The following HEPACAM variants were observed in gnomAD, a reference collection of about 807,000 sequenced individuals.
HEPACAM encodes the protein hepatocyte cell adhesion molecule.
HEPACAM carries 18 observed loss-of-function variants against 38.3 expected under a neutral mutation model. The ratio of observed to expected loss-of-function variants is 0.47; its 90% CI spans 0.33 to 0.70. The LOEUF (loss-of-function observed/expected upper bound fraction) is 0.70, where lower values mean the gene tolerates loss of function less well. HEPACAM is among the 30% of genes least tolerant of loss of function. The probability of loss-of-function intolerance (pLI) is 0.03; values close to 1 mark genes in which losing one functional copy is unlikely to be tolerated. For missense variants in HEPACAM, 466 were observed against 563.0 expected, an observed-to-expected ratio of 0.83 and a Z score of 1.74; for synonymous variants, 216 against 243.1, an observed-to-expected ratio of 0.89 and a Z score of 1.04.
At position 124,934,794 on chromosome 11, in the gene HEPACAM, C is replaced by T. The variant is rs571193288; in HGVS notation, c.85+1128G>A. ...ATTTTATTTGCCTCCAGTTTCCCCT[C>T]GAATGACCCCCTGCAGACTGAGTAA... On this transcript the variant is annotated intron_variant, in intron 1 of 6. Coordinates refer to ENST00000298251, the MANE Select transcript of HEPACAM (RefSeq NM_152722.5). Among the ~76,000 whole-genome samples the T allele has an allele frequency of 5.3e-5, 8 of 152,190 alleles. No individual in the cohort carries two copies. In the South Asian group the frequency reaches 1.0e-3, roughly 20 times the overall value.
In HEPACAM at chr11:124,919,340, C is replaced by T. The variant is rs2135392540; in HGVS notation, c.*1798G>A. 4.8e-6 allele frequency: 1 copy of T among 206,918 alleles called. No individual in the cohort carries two copies. Among genetic ancestry groups the T allele is most frequent in the Non-Finnish European group, 9.7e-6 (1 of 103,514 alleles). 12.8% of individuals were successfully genotyped at this position (206,918 alleles called of 1,614,324 possible). ...GATGAAGATGAAAACAACACAAAAA[C>T]AAACCCCACTTCCTTACTTACCCCT... On this transcript the variant is annotated 3_prime_UTR_variant, in exon 7 of 7. Coordinates refer to ENST00000298251, the MANE Select transcript of HEPACAM (RefSeq NM_152722.5).
rs1340459382 is a variant in HEPACAM at position 124,923,726 on chromosome 11, C to G, written c.709+3G>C. On this transcript the variant is annotated splice_donor_region_variant and intron_variant, in intron 3 of 6. Transcript: ENST00000298251. ...CTAAAGGAAAGCCTGCGGGGAAACT[C>G]ACTGTATACGGTGATCTTGACAGGC... 1.2e-6 allele frequency: 2 copies of G among 1,614,132 alleles called. No homozygotes were observed. The highest frequency in any genetic ancestry group is 1.7e-6 in the Non-Finnish European group (2 of 1,180,032).
chr11:124,932,991 T>G (rs940101158), intron 1 of HEPACAM, among the ~76,000 whole-genome samples: 6 of 152,080 alleles, frequency 3.9e-5, no homozygotes, highest in Admixed American at 6.5e-5. Flanking sequence ...GGAACTTAAA[T>G]TTTGGAATTT....
intron 1 of HEPACAM, among the ~76,000 whole-genome samples, chr11:124,929,760 C>A (rs73018375): frequency 0.15 from 23,133 of 152,020 alleles, 2,124 homozygotes; most frequent in South Asian, 0.21. Flanking sequence ...GCTGCGATGC[C>A]GGGAATGTCA....
intron 5 of HEPACAM, 39 bp from the exon 6 acceptor site, chr11:124,922,497 A>G (rs775084930): frequency 6.2e-7 from 1 of 1,608,282 alleles, no homozygotes; most frequent in Non-Finnish European, 8.5e-7. Flanking sequence ...GCCCAGGTAC[A>G]GACTCTCCCC....
At chr11:124,922,286 C>G in intron 6 of HEPACAM, 102 bp downstream of exon 6, 9 of 1,249,444 alleles carry the variant, frequency 7.2e-6, no homozygotes, top group Non-Finnish European at 1.1e-5. Flanking sequence ...CCGTTGGGGA[C>G]TGCTGCTATA....
intron 1 of HEPACAM, among the ~76,000 whole-genome samples, chr11:124,930,338 A>G (rs1466854180): frequency 6.6e-6 from 1 of 151,678 alleles, no homozygotes; most frequent in African/African-American, 2.4e-5. Context: ...GCCGTGTTGT[A>G]TTCTTACATT....
At position 124,924,840 on chromosome 11, in the gene HEPACAM, G is replaced by A; in HGVS notation, c.315C>T (p.Gly105=). 1.2e-6 allele frequency: 2 copies of A among 1,614,186 alleles called. No homozygotes were observed. Among genetic ancestry groups the A allele is most frequent in the Non-Finnish European group, 1.7e-6 (2 of 1,180,024 alleles). ...YRDRIRLFEN[G]SLLLSDLQLA... The stretch of plus-strand genomic sequence containing the variant: ...GCTGCAGGTCGCTGAGAAGCAGGGA[G>A]CCATTTTCAAAGAGTCGGATACGGT... Residue 105 remains glycine (G), a synonymous_variant, in exon 2 of 7, where the codon GGC becomes GGT. Coordinates refer to ENST00000298251, the MANE Select transcript of HEPACAM (RefSeq NM_152722.5). The surrounding 1 kb of genome is among the most constrained non-coding windows in gnomAD (Gnocchi z 4.4).
At position 124,921,176 on chromosome 11, in the gene HEPACAM, C is replaced by T. The variant is rs1012723414; in HGVS notation, c.1213G>A (p.Glu405Lys). 3.3e-6 allele frequency: 5 copies of T among 1,527,792 alleles called. No homozygotes were observed. In the African/African-American group the frequency reaches 5.6e-5, roughly 17 times the overall value. The allele number at this position is 1,527,792 out of a possible 1,614,324, so 94.6% of individuals were successfully genotyped here. The change falls in exon 7 of 7, where the codon GAG becomes AAG. Residue 405 changes from glutamate to lysine, a missense_variant. Coordinates refer to ENST00000298251, the MANE Select transcript of HEPACAM (RefSeq NM_152722.5). This position sits in a 1 kb window ranked among gnomAD's most constrained non-coding sequence, Gnocchi z 4.6. ...TCCACCGGGCCGGCCTCGTCTTGCT[C>T]GCGGATTATGTGCACGCCCGCAGTC... ...LRTAGVHIIR[E>K]QDEAGPVEIS...
chr11:124,932,227 A>C (rs936406916), intron 1 of HEPACAM, among the ~76,000 whole-genome samples: 1 of 152,184 alleles, frequency 6.6e-6, no homozygotes, highest in African/African-American at 2.4e-5. Flanking sequence ...TTTAATAAAC[A>C]ATTTAAAAAA....
Position 124,924,100 on chromosome 11 carries a change from T to C in HEPACAM, c.428-90A>G. ...AGCTCCCTGCCTTCCAACACACCTT[T>C]AACACTACCTTCCAACTCAATCTGT... On this transcript the variant is annotated intron_variant, in intron 2 of 6. Transcript: ENST00000298251. The surrounding 1 kb of genome is among the most constrained non-coding windows in gnomAD (Gnocchi z 4.4). 8.2e-7 allele frequency: 1 copy of C among 1,222,848 alleles called. No individual in the cohort carries two copies. Among genetic ancestry groups the C allele is most frequent in the South Asian group, 1.3e-5 (1 of 77,058 alleles). 75.7% of individuals were successfully genotyped at this position (1,222,848 alleles called of 1,614,324 possible). A position where few individuals can be genotyped will look rare whatever the true frequency, so the allele number is the denominator to read the frequency against.
At chr11:124,930,418 ACAGAAG>A (rs1947268233) in intron 1 of HEPACAM, among the ~76,000 whole-genome samples, 1 of 152,224 alleles carries the variant, frequency 6.6e-6, no homozygotes, top group Admixed American at 6.5e-5. Context: ...AAATCAGGAA[ACAGAAG>A]CTGTGAAGAA....
chr11:124,920,965 C>T lies in HEPACAM; in HGVS notation c.*173G>A. The T allele has an allele frequency of 7.3e-7, 1 of 1,365,906 alleles. No homozygotes were observed. Among genetic ancestry groups the T allele is most frequent in the South Asian group, 1.7e-5 (1 of 58,458 alleles). The allele number at this position is 1,365,906 out of a possible 1,614,324, so 84.6% of individuals were successfully genotyped here. On this transcript the variant is annotated 3_prime_UTR_variant, in exon 7 of 7. Transcript: ENST00000298251. ...TTCACCATATCAACACTGCCGCCTC[C>T]GCGCACCCGCCTCCGTCTGCGCATG...
At chr11:124,922,082 GCTGCATTCGATT>G (rs909180739) in intron 6 of HEPACAM, among the ~76,000 whole-genome samples, 1 of 152,168 alleles carries the variant, frequency 6.6e-6, no homozygotes, top group African/African-American at 2.4e-5. Flanking sequence ...CAGATTCGTG[GCTGCATTCGATT>G]CTCGATTCTC....
Position 124,919,747 on chromosome 11 carries a change from G to T in HEPACAM, c.*1391C>A. The stretch of plus-strand genomic sequence containing the variant: ...GAGACAAAACTTGACCTGGTGTGGA[G>T]GTGATGGGTAACTGGGGCCTTGGAA... On this transcript the variant is annotated 3_prime_UTR_variant, in exon 7 of 7. Coordinates refer to ENST00000298251, the MANE Select transcript of HEPACAM (RefSeq NM_152722.5). 5.0e-6 allele frequency: 8 copies of T among 1,613,482 alleles called. No individual in the cohort carries two copies. Among genetic ancestry groups the T allele is most frequent in the Non-Finnish European group, 6.8e-6 (8 of 1,179,774 alleles).
chr11:124,921,047 C>T lies in HEPACAM; in HGVS notation c.*91G>A, dbSNP rs944500902. On this transcript the variant is annotated 3_prime_UTR_variant, in exon 7 of 7. Coordinates refer to ENST00000298251, the MANE Select transcript of HEPACAM (RefSeq NM_152722.5). The surrounding 1 kb of genome is among the most constrained non-coding windows in gnomAD (Gnocchi z 4.6). ...CCCCCCCGGGACCTCCCCTCGTCCCCAGCGCGCCGCGCCCGGGCTTCCCAG... is the reference window on the plus strand; with the variant it reads ...CCCCCCCGGGACCTCCCCTCGTCCCTAGCGCGCCGCGCCCGGGCTTCCCAG... 1.4e-6 allele frequency: 2 copies of T among 1,448,592 alleles called. No homozygotes were observed. Among genetic ancestry groups the T allele is most frequent in the Non-Finnish European group, 1.8e-6 (2 of 1,103,374 alleles). 89.7% of individuals were successfully genotyped at this position (1,448,592 alleles called of 1,614,324 possible).
Position 124,924,918 on chromosome 11 carries a change from C to G in HEPACAM, c.237G>C (p.Val79=). ...WQLKRDKPVT[V]VQSIGTEVIG... ...TGACCTCTGTGCCAATGGACTGCACCACGGTCACTGGCTTGTCCCGCTTCA... is the reference window on the plus strand; with the variant it reads ...TGACCTCTGTGCCAATGGACTGCACGACGGTCACTGGCTTGTCCCGCTTCA... The change falls in exon 2 of 7, where the codon GTG becomes GTC. Residue 79 remains valine, a synonymous_variant. Transcript: ENST00000298251. The surrounding 1 kb of genome is among the most constrained non-coding windows in gnomAD (Gnocchi z 4.4). The G allele has an allele frequency of 1.2e-6, 2 of 1,614,194 alleles. No individual in the cohort carries two copies. The highest frequency in any genetic ancestry group is 1.7e-6 in the Non-Finnish European group (2 of 1,180,034).
rs1947139639 is a variant in HEPACAM at position 124,921,566 on chromosome 11, A to T, written c.949-126T>A. ...TTCCCTCTGCACGCCCACCTCCTGG[A>T]AGGCTGCAGACAGGTCTGGTTTTCC... On this transcript the variant is annotated intron_variant, in intron 6 of 6. Coordinates refer to ENST00000298251, the MANE Select transcript of HEPACAM (RefSeq NM_152722.5). This position sits in a 1 kb window ranked among gnomAD's most constrained non-coding sequence, Gnocchi z 4.6. 1 of 526,892 alleles carries T rather than the reference A, an allele frequency of 1.9e-6. No homozygotes were observed. The highest frequency in any genetic ancestry group is 2.0e-5 in the African/African-American group (1 of 50,736). 32.6% of individuals were successfully genotyped at this position (526,892 alleles called of 1,614,324 possible).
rs201011094 is a variant in HEPACAM, at chr11:124,923,847, G to A, written c.591C>T (p.Pro197=). The A allele has an allele frequency of 3.0e-4, 480 of 1,613,998 alleles. 3 individuals carry two copies. In the Middle Eastern group the frequency reaches 6.1e-3, roughly 21 times the overall value. Reference sequence around the variant, plus strand: ...GGGTGATGGTGAGCACCTTTTGGTCGGGGGACAGGAGCATTCTCGAGTCAT... The same window carrying A: ...GGGTGATGGTGAGCACCTTTTGGTCAGGGGACAGGAGCATTCTCGAGTCAT... ...LLNDSRMLLS[P]DQKVLTITRV... Residue 197 remains proline, a synonymous_variant, in exon 3 of 7, where the codon CCC becomes CCT. Coordinates refer to ENST00000298251, the MANE Select transcript of HEPACAM (RefSeq NM_152722.5).
Sources: allele counts gnomAD v4.1 joint callset (sites outside exome capture counted in the v4.1 genomes callset), GRCh38; gene constraint gnomAD v4.1.1; non-coding constraint Gnocchi (gnomAD v3.1); transcripts MANE v1.5; gene names NCBI Gene and HGNC (gene_info 2026-07-23, HGNC 2026-07-21).